Variants in LMCD1 observed in about 807,000 individuals in gnomAD.
The protein encoded by LMCD1 is LIM and cysteine-rich domains protein 1.
In LMCD1, 32 loss-of-function variants were observed where a neutral mutation model predicts 42.7. That is an observed-to-expected ratio of 0.75 (90% CI 0.57 to 1.01). LMCD1 has a LOEUF of 1.01. Among genes scored for constraint, LMCD1 ranks in the 50% least tolerant of loss-of-function variants. LMCD1 has a pLI of 0.00. For missense variants in LMCD1, 458 were observed against 483.1 expected, an observed-to-expected ratio of 0.95 and a Z score of 0.49; for synonymous variants, 178 against 184.9, an observed-to-expected ratio of 0.96 and a Z score of 0.30.
At chr3:8,529,822 CTT>C (rs1694377319) in intron 1 of LMCD1, among the ~76,000 whole-genome samples, 1 of 152,174 alleles carries the variant, frequency 6.6e-6, no homozygotes, top group African/African-American at 2.4e-5. Context: ...GTCTCTCAAA[CTT>C]TTCTTCACAA....
At chr3:8,529,574 G>C (rs1394461546) in intron 1 of LMCD1, among the ~76,000 whole-genome samples, 3 of 152,318 alleles carry the variant, frequency 2.0e-5, no homozygotes, top group African/African-American at 4.8e-5. Flanking sequence ...CACCGCGAGG[G>C]CAAAGGGCTA....
In LMCD1 at chr3:8,574,544, G is replaced by A. The variant is rs941804514; in HGVS notation, c.*6946G>A. ...GCAGCAGAGCCAGGAGAGAAGCCAAGTGGCACAGCTCATCTTGAAGTAATT... is the reference window on the plus strand; with the variant it reads ...GCAGCAGAGCCAGGAGAGAAGCCAAATGGCACAGCTCATCTTGAAGTAATT... On this transcript the variant is annotated 3_prime_UTR_variant, in exon 6 of 6. Coordinates refer to ENST00000157600, the MANE Select transcript of LMCD1 (RefSeq NM_014583.4). The A allele has an allele frequency of 5.4e-4, 83 of 152,306 alleles. No individual in the cohort carries two copies. The highest frequency in any genetic ancestry group is 1.9e-3 in the African/African-American group (80 of 41,574). 9.4% of individuals were successfully genotyped at this position (152,306 alleles called of 1,614,324 possible).
chr3:8,546,140 C>A (rs963374087), intron 3 of LMCD1, among the ~76,000 whole-genome samples: 2 of 151,328 alleles, frequency 1.3e-5, no homozygotes, highest in African/African-American at 4.9e-5. Context: ...CTCAAAAAAA[C>A]AAAACAAAAC....
chr3:8,537,038 T>C (rs2125024899), intron 2 of LMCD1, 147 bp from the exon 3 acceptor site: 1 of 849,250 alleles, frequency 1.2e-6, no homozygotes, highest in Middle Eastern at 3.5e-4. Context: ...CCAAAGGCCT[T>C]TTTGTCTCAG....
At chr3:8,553,615 G>A (rs546423662) in intron 4 of LMCD1, among the ~76,000 whole-genome samples, 41 of 152,268 alleles carry the variant, frequency 2.7e-4, no homozygotes, top group African/African-American at 9.6e-4. Flanking sequence ...CCCTACTGAC[G>A]AGACGGGGCC....
intron 3 of LMCD1, among the ~76,000 whole-genome samples, chr3:8,547,940 G>A (rs1028814565): frequency 3.9e-5 from 6 of 152,148 alleles, no homozygotes; most frequent in African/African-American, 9.6e-5. Flanking sequence ...AGCCTGCTAC[G>A]CATCTAGGCT....
intron 4 of LMCD1, among the ~76,000 whole-genome samples, chr3:8,557,607 C>A (rs528947373): frequency 1.3e-5 from 2 of 152,206 alleles, no homozygotes; most frequent in Non-Finnish European, 2.9e-5. Context: ...CGAGACAGTT[C>A]TTCAGCTGAG....
At chr3:8,542,784 C>G (rs1001176442) in intron 3 of LMCD1, among the ~76,000 whole-genome samples, 4 of 152,226 alleles carry the variant, frequency 2.6e-5, no homozygotes, top group African/African-American at 4.8e-5. Context: ...GGGGAGGTTA[C>G]TTAACTTCTC....
Position 8,540,124 on chromosome 3 carries a change from C to T in LMCD1, c.387+2684C>T, listed in dbSNP as rs551665676. On this transcript the variant is annotated intron_variant, in intron 3 of 5. Transcript: ENST00000157600. ...GAAACCATCATTCTGAGCAAATTAT[C>T]GCAAGGACAGAAAACCAAACACCGC... is the stretch of plus-strand genomic sequence containing the variant. Among the ~76,000 whole-genome samples the T allele has an allele frequency of 6.8e-4, 104 of 152,106 alleles. 1 individual carries two copies. The highest frequency in any genetic ancestry group is 2.4e-3 in the African/African-American group (98 of 41,490).
chr3:8,512,978 C>T (rs1161648692), intron 1 of LMCD1, among the ~76,000 whole-genome samples: 1 of 152,056 alleles, frequency 6.6e-6, no homozygotes, highest in Non-Finnish European at 1.5e-5. Context: ...AATCACTTCC[C>T]CATAAACACA....
intron 1 of LMCD1, among the ~76,000 whole-genome samples, chr3:8,524,204 A>G (rs1258852978): frequency 6.7e-6 from 1 of 150,220 alleles, no homozygotes; most frequent in African/African-American, 2.5e-5. Context: ...CTTAAGGAAA[A>G]AAAAAAAAAA....
At chr3:8,537,062 C>T (rs17049237) in intron 2 of LMCD1, 123 bp from the exon 3 acceptor site, 104,377 of 1,088,336 alleles carry the variant, frequency 0.096, 5,996 homozygotes, top group South Asian at 0.2. Flanking sequence ...ACCATTTGTC[C>T]GCTGCTAGTT....
intron 3 of LMCD1, among the ~76,000 whole-genome samples, chr3:8,544,614 G>A (rs1574966340): frequency 6.6e-6 from 1 of 152,098 alleles, no homozygotes; most frequent in Admixed American, 6.5e-5. Flanking sequence ...CCCTAGACTT[G>A]TACTCCCCCA....
chr3:8,514,064 G>A (rs557442169), intron 1 of LMCD1, among the ~76,000 whole-genome samples: 8 of 151,938 alleles, frequency 5.3e-5, no homozygotes, highest in East Asian at 1.9e-4. Flanking sequence ...GTGTGTGTGT[G>A]TATATATATT....
chr3:8,516,489 A>G (rs576824148), intron 1 of LMCD1, among the ~76,000 whole-genome samples: 1 of 152,310 alleles, frequency 6.6e-6, no homozygotes, highest in East Asian at 1.9e-4. Flanking sequence ...AAGTGGCGGA[A>G]TCATTGCCAA....
At chr3:8,530,107 C>T (rs1009955224) in intron 1 of LMCD1, among the ~76,000 whole-genome samples, 12 of 152,184 alleles carry the variant, frequency 7.9e-5, no homozygotes, top group Admixed American at 3.9e-4. Context: ...TTGCTTCTAA[C>T]GTAGGCTGGC....
chr3:8,526,691 C>A (rs1307958083), intron 1 of LMCD1, among the ~76,000 whole-genome samples: 5 of 152,210 alleles, frequency 3.3e-5, no homozygotes, highest in Admixed American at 6.5e-5. Context: ...TTCGCTGCTG[C>A]TGTGCTGCTG....
At chr3:8,522,850 GA>G (rs1294204306) in intron 1 of LMCD1, among the ~76,000 whole-genome samples, 1 of 152,142 alleles carries the variant, frequency 6.6e-6, no homozygotes, top group Non-Finnish European at 1.5e-5. Flanking sequence ...ATTTGTCATA[GA>G]GAGTAAAAAC....
chr3:8,524,937 G>C (rs1694272745), intron 1 of LMCD1, among the ~76,000 whole-genome samples: 2 of 152,068 alleles, frequency 1.3e-5, no homozygotes, highest in South Asian at 4.2e-4. Flanking sequence ...CACCCTCCTT[G>C]GCCTGCCAAA....
Sources: allele counts gnomAD v4.1 joint callset (sites outside exome capture counted in the v4.1 genomes callset), GRCh38; gene constraint gnomAD v4.1.1; transcripts MANE v1.5; gene names NCBI Gene and HGNC (gene_info 2026-07-23, HGNC 2026-07-21).